Variants in COBL observed in about 807,000 individuals in gnomAD.
COBL encodes the protein cordon-bleu WH2 repeat protein.
In COBL, 51 loss-of-function variants were observed where a neutral mutation model predicts 98.8. The ratio of observed to expected loss-of-function variants is 0.52; its 90% confidence interval spans 0.41 to 0.65. The LOEUF (loss-of-function observed/expected upper bound fraction) is 0.65. Among genes scored for constraint, COBL ranks in the 30% least tolerant of loss-of-function variants. The probability of loss-of-function intolerance (pLI) is 0.00; values close to 1 mark genes in which losing one functional copy is unlikely to be tolerated. For missense variants in COBL, 1,617 were observed against 1,617.5 expected (o/e 1.00, Z 0.01); for synonymous variants, 634 against 651.7 (o/e 0.97, Z 0.41).
chr7:51,124,226 C>T (rs76455299), intron 6 of COBL, among the ~76,000 whole-genome samples: 12,854 of 152,190 alleles, frequency 0.084, 769 homozygotes, highest in South Asian at 0.16. Context: ...ACCAGTTGGC[C>T]GACGACTGGA....
At chr7:51,041,224 A>T (rs1789159173) in intron 8 of COBL, among the ~76,000 whole-genome samples, 1 of 152,186 alleles carries the variant, frequency 6.6e-6, no homozygotes, top group African/African-American at 2.4e-5. Flanking sequence ...GAGTCATCCT[A>T]AGAATTGAAG....
At chr7:51,163,291 C>T (rs1786998169) in intron 5 of COBL, among the ~76,000 whole-genome samples, 2 of 152,158 alleles carry the variant, frequency 1.3e-5, no homozygotes, top group South Asian at 4.1e-4. Flanking sequence ...TCACTAACAT[C>T]CTTAATTGAA....
intron 12 of COBL, among the ~76,000 whole-genome samples, chr7:51,021,761 C>T (rs1309352057): frequency 6.6e-6 from 1 of 152,204 alleles, no homozygotes; most frequent in East Asian, 1.9e-4. Flanking sequence ...CTCCAGGATC[C>T]ATGCATAGCA....
chr7:51,089,269 T>C (rs2128946951), intron 6 of COBL, among the ~76,000 whole-genome samples: 1 of 152,172 alleles, frequency 6.6e-6, no homozygotes, highest in Admixed American at 6.5e-5. Flanking sequence ...ATCCCAGCAC[T>C]TTGGGAGGCT....
At chr7:51,296,012 TC>T (rs1319720060) in intron 1 of COBL, among the ~76,000 whole-genome samples, 1 of 152,184 alleles carries the variant, frequency 6.6e-6, no homozygotes, top group Non-Finnish European at 1.5e-5. Flanking sequence ...GAGAAGGCCT[TC>T]CATAAAAATA....
At chr7:51,171,309 T>C (rs1363398274) in intron 5 of COBL, among the ~76,000 whole-genome samples, 3 of 152,082 alleles carry the variant, frequency 2.0e-5, no homozygotes, top group Non-Finnish European at 4.4e-5. Flanking sequence ...CATTCAAGGA[T>C]CATCAAAGGA....
Position 51,105,162 on chromosome 7 carries a change from T to C in COBL, c.958-19858A>G, listed in dbSNP as rs750134389. Among the ~76,000 whole-genome samples, 5 of 151,600 alleles carry C rather than the reference T, an allele frequency of 3.3e-5. No homozygotes were observed. The South Asian group carries it at 1.0e-3, about 32-fold the overall frequency. ...AATTACCTGCTGTACCTGCCCCGGGTGTGCCTGCCTACAAGACGCCCGATC... is the reference window on the plus strand; with the variant it reads ...AATTACCTGCTGTACCTGCCCCGGGCGTGCCTGCCTACAAGACGCCCGATC... On this transcript the variant is annotated intron_variant, in intron 6 of 12. Transcript: ENST00000265136.
At chr7:51,248,769 A>G (rs1055486338) in intron 1 of COBL, among the ~76,000 whole-genome samples, 1 of 152,248 alleles carries the variant, frequency 6.6e-6, no homozygotes, top group Non-Finnish European at 1.5e-5. Flanking sequence ...TTAAAAAATA[A>G]AAATGAAAGA....
intron 2 of COBL, among the ~76,000 whole-genome samples, chr7:51,210,731 G>T (rs571733625): frequency 1.3e-5 from 2 of 152,298 alleles, no homozygotes; most frequent in South Asian, 4.1e-4. Flanking sequence ...CAGCTCGATT[G>T]ACTACTTTTC....
At chr7:51,066,724 A>AC (rs1791967805) in intron 7 of COBL, among the ~76,000 whole-genome samples, 1 of 151,680 alleles carries the variant, frequency 6.6e-6, no homozygotes, top group South Asian at 2.1e-4. Flanking sequence ...GAAGACTAAG[A>AC]CCCCCACCCC....
intron 4 of COBL, among the ~76,000 whole-genome samples, chr7:51,185,694 A>AAT (rs1172497483): frequency 6.6e-6 from 1 of 152,240 alleles, no homozygotes; most frequent in Non-Finnish European, 1.5e-5. Flanking sequence ...TTGGTGGCAG[A>AAT]ATCATGGACT....
rs765766179 is a variant in COBL at position 51,269,492 on chromosome 7, G to A, written c.41+47101C>T. Among the ~76,000 whole-genome samples, 8 of 152,364 alleles carry A rather than the reference G, an allele frequency of 5.3e-5. No homozygotes were observed. In the East Asian group the frequency reaches 5.8e-4, roughly 11 times the overall value. On this transcript the variant is annotated intron_variant, in intron 1 of 12. Coordinates refer to ENST00000265136, the MANE Select transcript of COBL (RefSeq NM_015198.5). ...CACCTCCAGAGTCGGGCACTAGGCA[G>A]GTCTGGGTGGTGCATCGGCAGGACG...
chr7:51,244,775 T>C (rs1796140504), intron 1 of COBL, among the ~76,000 whole-genome samples: 1 of 152,310 alleles, frequency 6.6e-6, no homozygotes, highest in African/African-American at 2.4e-5. Context: ...ATATCATTGC[T>C]GCAGCCATTC....
At chr7:51,238,419 C>T (rs145825208) in intron 1 of COBL, among the ~76,000 whole-genome samples, 171 of 152,184 alleles carry the variant, frequency 1.1e-3, no homozygotes, top group African/African-American at 3.8e-3. Flanking sequence ...ATGACAGTAG[C>T]GGGGCAGAGC....
intron 2 of COBL, among the ~76,000 whole-genome samples, chr7:51,208,157 C>G (rs941697843): frequency 6.6e-6 from 1 of 151,266 alleles, no homozygotes; most frequent in Non-Finnish European, 1.5e-5. Context: ...CTCTGCCTGG[C>G]CGCCCCGTCT....
intron 5 of COBL, among the ~76,000 whole-genome samples, chr7:51,157,749 T>C (rs1786330656): frequency 6.6e-6 from 1 of 152,230 alleles, no homozygotes; most frequent in African/African-American, 2.4e-5. Context: ...TGACTATAAC[T>C]ACTAAGAATG....
chr7:51,148,532 C>A (rs895211130), intron 5 of COBL, among the ~76,000 whole-genome samples: 5 of 152,190 alleles, frequency 3.3e-5, no homozygotes, highest in Non-Finnish European at 7.3e-5. Context: ...CTGTCCATGT[C>A]GCTAAGGTCT....
At chr7:51,214,408 G>T (rs1478980915) in intron 2 of COBL, among the ~76,000 whole-genome samples, 1 of 152,186 alleles carries the variant, frequency 6.6e-6, no homozygotes. Flanking sequence ...CTGTCCAGAT[G>T]GGATGTGTTA....
At chr7:51,316,556 C>T in intron 1 of COBL, 37 bp downstream of exon 1, 1 of 1,210,186 alleles carries the variant, frequency 8.3e-7, no homozygotes, top group Non-Finnish European at 1.0e-6. Flanking sequence ...CCCAGGGAAG[C>T]CCCCTCTCCA....
Sources: allele counts gnomAD v4.1 joint callset (sites outside exome capture counted in the v4.1 genomes callset), GRCh38; gene constraint gnomAD v4.1.1; transcripts MANE v1.5; gene names NCBI Gene and HGNC (gene_info 2026-07-23, HGNC 2026-07-21).